CCDC148: variants seen among roughly 807,000 people sequenced by gnomAD.
CCDC148 encodes the protein coiled-coil domain containing 148.
In CCDC148, 89 loss-of-function variants were observed where a neutral mutation model predicts 85.7. That is an observed-to-expected ratio of 1.04 (90% CI 0.87 to 1.24). The LOEUF is 1.24. CCDC148 is among the 50% of genes most tolerant of loss of function. CCDC148 has a pLI of 0.00. For missense variants in CCDC148, 692 were observed against 671.7 expected (o/e 1.03, Z -0.33); for synonymous variants, 230 against 213.9 (o/e 1.08, Z -0.66).
chr2:158,382,099 A>G (rs1684897246), intron 1 of CCDC148, among the ~76,000 whole-genome samples: 1 of 152,094 alleles, frequency 6.6e-6, no homozygotes, highest in Non-Finnish European at 1.5e-5. Context: ...CAGAGCAACA[A>G]GGGCCCATCT....
chr2:158,272,971 G>A (rs1559033316), intron 9 of CCDC148, among the ~76,000 whole-genome samples: 1 of 152,128 alleles, frequency 6.6e-6, no homozygotes, highest in Non-Finnish European at 1.5e-5. Context: ...ATTATTGTTT[G>A]TCAATTTAAA....
intron 1 of CCDC148, among the ~76,000 whole-genome samples, chr2:158,384,883 A>C (rs1028340363): frequency 1.3e-5 from 2 of 152,198 alleles, no homozygotes; most frequent in African/African-American, 2.4e-5. Context: ...GACTTTGCTC[A>C]GAGTTTGATA....
intron 7 of CCDC148, among the ~76,000 whole-genome samples, chr2:158,335,163 G>C (rs1682299605): frequency 6.6e-6 from 1 of 151,742 alleles, no homozygotes; most frequent in South Asian, 2.1e-4. Flanking sequence ...TGTCTTCAAA[G>C]GCTGTCTTCC....
intron 7 of CCDC148, among the ~76,000 whole-genome samples, chr2:158,315,492 A>G (rs1278067218): frequency 6.6e-6 from 1 of 152,078 alleles, no homozygotes; most frequent in East Asian, 1.9e-4. Context: ...GGACTTGAAA[A>G]AAGTTTGAAT....
At chr2:158,366,018 G>A (rs757040636) in intron 1 of CCDC148, 75 of 1,532,662 alleles carry the variant, frequency 4.9e-5, no homozygotes, top group Non-Finnish European at 6.3e-5. Context: ...AAATACCTGA[G>A]CTATCATTTC....
At chr2:158,372,982 A>T (rs1684511398) in intron 1 of CCDC148, among the ~76,000 whole-genome samples, 1 of 152,062 alleles carries the variant, frequency 6.6e-6, no homozygotes, top group African/African-American at 2.4e-5. Context: ...TGATTATGTG[A>T]TGTTATGTGG....
chr2:158,441,177 C>G (rs1687915789), intron 1 of CCDC148, among the ~76,000 whole-genome samples: 1 of 152,142 alleles, frequency 6.6e-6, no homozygotes, highest in Non-Finnish European at 1.5e-5. Flanking sequence ...AGAATCTGCA[C>G]TACTATTATA....
chr2:158,378,042 T>A (rs1684726856), intron 1 of CCDC148, among the ~76,000 whole-genome samples: 2 of 152,026 alleles, frequency 1.3e-5, no homozygotes, highest in South Asian at 4.1e-4. Flanking sequence ...AAGCTAAAAA[T>A]GTTTGAGCTT....
At chr2:158,340,470 G>T in intron 4 of CCDC148, 77 bp from the exon 5 acceptor site, 1 of 1,512,890 alleles carries the variant, frequency 6.6e-7, no homozygotes, top group Non-Finnish European at 9.0e-7. Flanking sequence ...TTAGAGTACA[G>T]ATTTATTTGG....
chr2:158,247,486 A>G lies in CCDC148; in HGVS notation c.1251+3286T>C, dbSNP rs186138751. Reference sequence around the variant, plus strand: ...CTGCTGCAGCACAGCCTATACGAACAAAACTTTGGAAACTTAAATGTCAAC... The same window carrying G: ...CTGCTGCAGCACAGCCTATACGAACGAAACTTTGGAAACTTAAATGTCAAC... On this transcript the variant is annotated intron_variant, in intron 10 of 13. Transcript: ENST00000283233. 1.7e-3 allele frequency among the ~76,000 whole-genome samples: 252 copies of G among 152,264 alleles called. 2 individuals carry two copies. The highest frequency in any genetic ancestry group is 3.5e-3 in the Admixed American group (54 of 15,272).
At chr2:158,176,073 A>C (rs960442450) in intron 13 of CCDC148, among the ~76,000 whole-genome samples, 14 of 152,020 alleles carry the variant, frequency 9.2e-5, no homozygotes, top group African/African-American at 2.9e-4. Context: ...ATTAGCTCTG[A>C]TGTATTATCT....
chr2:158,255,984 T>C (rs1688994344), intron 9 of CCDC148, among the ~76,000 whole-genome samples: 1 of 151,814 alleles, frequency 6.6e-6, no homozygotes, highest in African/African-American at 2.4e-5. Flanking sequence ...ATGAAAATGG[T>C]TAGTAGCATT....
Position 158,172,273 on chromosome 2 carries a change from A to G in CCDC148, c.1630-14T>C. On this transcript the variant is annotated splice_polypyrimidine_tract_variant and intron_variant, in intron 13 of 13. Transcript: ENST00000283233. ...GTCAGAAATTATCTGTAGAAATAAA[A>G]ATACAATTTAAATAACAATTCATTG... The G allele has an allele frequency of 6.4e-7, 1 of 1,570,372 alleles. No homozygotes were observed. Among genetic ancestry groups the G allele is most frequent in the Non-Finnish European group, 8.7e-7 (1 of 1,155,868 alleles).
Position 158,394,930 on chromosome 2 carries a change from G to T in CCDC148, c.26-36360C>A, listed in dbSNP as rs189461688. 2.7e-3 allele frequency among the ~76,000 whole-genome samples: 405 copies of T among 152,122 alleles called. 3 individuals carry two copies. Among genetic ancestry groups the T allele is most frequent in the African/African-American group, 9.1e-3 (377 of 41,516 alleles). The stretch of plus-strand genomic sequence containing the variant: ...AAAAAATTCAAACAATACATTGAAA[G>T]TCCATAATCCTATCCCTTAGAGAGA... On this transcript the variant is annotated intron_variant, in intron 1 of 13. Coordinates refer to ENST00000283233, the MANE Select transcript of CCDC148 (RefSeq NM_138803.4).
chr2:158,275,260 C>T (rs1689877833), intron 9 of CCDC148, among the ~76,000 whole-genome samples: 2 of 152,172 alleles, frequency 1.3e-5, no homozygotes, highest in Non-Finnish European at 2.9e-5. Context: ...GACTCAATGT[C>T]CTTACCTGTG....
intron 9 of CCDC148, among the ~76,000 whole-genome samples, chr2:158,293,345 G>C (rs575170549): frequency 1.1e-3 from 172 of 152,270 alleles, no homozygotes; most frequent in African/African-American, 4.1e-3. Context: ...CTGCACACTA[G>C]GTTGCACCAT....
chr2:158,331,848 C>T (rs1032446765), intron 7 of CCDC148, among the ~76,000 whole-genome samples: 41 of 152,124 alleles, frequency 2.7e-4, no homozygotes, highest in Admixed American at 8.5e-4. Flanking sequence ...TTTCTGTTTT[C>T]CATTTGCTTG....
chr2:158,452,270 G>T (rs1688435687), intron 1 of CCDC148, among the ~76,000 whole-genome samples: 2 of 152,258 alleles, frequency 1.3e-5, no homozygotes, highest in South Asian at 4.1e-4. Context: ...GAGAACAGGG[G>T]TGAGGGGGGA....
chr2:158,244,576 T>C (rs1231933917), intron 10 of CCDC148, among the ~76,000 whole-genome samples: 1 of 152,148 alleles, frequency 6.6e-6, no homozygotes, highest in Non-Finnish European at 1.5e-5. Flanking sequence ...TTCCTTGCCA[T>C]GTGACTCCCT....
Sources: gnomAD v4.1 joint callset for allele counts (sites outside exome capture counted in the v4.1 genomes callset) on GRCh38, gnomAD v4.1.1 for gene constraint, MANE v1.5 for transcripts, NCBI Gene and HGNC (gene_info 2026-07-23, HGNC 2026-07-21) for gene names.